Variants in DCLK2 observed in about 807,000 individuals in gnomAD.
DCLK2 encodes doublecortin like kinase 2.
In DCLK2, 31 loss-of-function variants were observed where a neutral mutation model predicts 78.4. The observed-to-expected ratio is 0.40, with a 90% CI of 0.30 to 0.53. DCLK2 has a LOEUF of 0.53. DCLK2 is among the 20% of genes least tolerant of loss of function. DCLK2 has a pLI of 0.61. For synonymous variants in DCLK2, 407 were observed against 374.9 expected, an observed-to-expected ratio of 1.09 and a Z score of -0.99; for missense variants, 872 against 973.7, an observed-to-expected ratio of 0.90 and a Z score of 1.39.
chr4:150,207,531 CAA>C (rs1739929546), intron 5 of DCLK2, among the ~76,000 whole-genome samples: 1 of 152,150 alleles, frequency 6.6e-6, no homozygotes, highest in South Asian at 2.1e-4. Context: ...CTCCTCTCCA[CAA>C]AATGTACTCG....
At chr4:150,120,155 A>G (rs964344563) in intron 2 of DCLK2, among the ~76,000 whole-genome samples, 1 of 152,218 alleles carries the variant, frequency 6.6e-6, no homozygotes, top group Non-Finnish European at 1.5e-5. Flanking sequence ...CAAAGTCAGT[A>G]TAGTATTTTA....
intron 2 of DCLK2, among the ~76,000 whole-genome samples, chr4:150,113,771 T>C (rs1731870363): frequency 6.6e-6 from 1 of 152,062 alleles, no homozygotes; most frequent in African/African-American, 2.4e-5. Flanking sequence ...TGATCTTTAT[T>C]TTCTATTTTC....
rs552845452 is a variant in DCLK2 at position 150,244,508 on chromosome 4, G to C, written c.1779-3095G>C. On this transcript the variant is annotated intron_variant, in intron 12 of 15. Coordinates refer to ENST00000296550, the MANE Select transcript of DCLK2 (RefSeq NM_001040260.4). ...AATTATAATGCTTTGTCATTGAAAA[G>C]AGAGCGTGTGCACAAACTCTTTTGT... Among the ~76,000 whole-genome samples the C allele has an allele frequency of 3.7e-4, 56 of 152,324 alleles. No individual in the cohort carries two copies. In the Middle Eastern group the frequency reaches 0.017, roughly 46 times the overall value.
At position 150,249,690 on chromosome 4, in the gene DCLK2, T is replaced by TG. The variant is rs1304868618; in HGVS notation, c.2073+8dup. On this transcript the variant is annotated splice_region_variant and intron_variant, in intron 15 of 15. Coordinates refer to ENST00000296550, the MANE Select transcript of DCLK2 (RefSeq NM_001040260.4). ...CCGGGGTCTCCGTCATCATGGTGAG[T>TG]GGAAGGCGGCAGGTCTGGCCTGACT... is the stretch of plus-strand genomic sequence containing the variant. 1 of 1,611,018 alleles carries TG rather than the reference T, an allele frequency of 6.2e-7. No individual in the cohort carries two copies. Among genetic ancestry groups the TG allele is most frequent in the Non-Finnish European group, 8.5e-7 (1 of 1,177,950 alleles).
At chr4:150,128,038 A>G (rs1277172005) in intron 2 of DCLK2, among the ~76,000 whole-genome samples, 3 of 151,662 alleles carry the variant, frequency 2.0e-5, no homozygotes, top group African/African-American at 7.3e-5. Flanking sequence ...GCGTGATTCC[A>G]TGATTCTCAA....
At chr4:150,146,439 A>G (rs1346261036) in intron 2 of DCLK2, among the ~76,000 whole-genome samples, 1 of 152,198 alleles carries the variant, frequency 6.6e-6, no homozygotes, top group Non-Finnish European at 1.5e-5. Context: ...TACCTGAACA[A>G]TTGTGCTAAT....
chr4:150,092,244 A>G (rs1166917852), intron 1 of DCLK2, among the ~76,000 whole-genome samples: 2 of 152,128 alleles, frequency 1.3e-5, no homozygotes, highest in East Asian at 1.9e-4. Flanking sequence ...TATCTTAGCT[A>G]TTGTGAATTA....
chr4:150,086,567 C>A (rs62339894), intron 1 of DCLK2, among the ~76,000 whole-genome samples: 5,709 of 150,452 alleles, frequency 0.038, 152 homozygotes, highest in Non-Finnish European at 0.063. Context: ...AGTGCAGTGG[C>A]GCAATCTCGG....
intron 2 of DCLK2, among the ~76,000 whole-genome samples, chr4:150,154,119 G>A (rs1027520901): frequency 1.3e-5 from 2 of 152,212 alleles, no homozygotes; most frequent in Non-Finnish European, 2.9e-5. Context: ...TATCAGAAAA[G>A]TGGGGACATG....
chr4:150,104,423 A>AAAAAAAAAAAAAC (rs1553954755), intron 2 of DCLK2, among the ~76,000 whole-genome samples: 1 of 141,140 alleles, frequency 7.1e-6, no homozygotes. Context: ...AAAAAAAAAA[A>AAAAAAAAAAAAAC]TCGAGCATCT....
intron 2 of DCLK2, among the ~76,000 whole-genome samples, chr4:150,109,723 T>TG (rs1411978088): frequency 1.3e-5 from 2 of 152,188 alleles, no homozygotes; most frequent in African/African-American, 4.8e-5. Flanking sequence ...TGGGTAGCCC[T>TG]GGTCTGCCTC....
chr4:150,255,428 A>T (rs1724075389), intron 15 of DCLK2, among the ~76,000 whole-genome samples: 5 of 152,244 alleles, frequency 3.3e-5, no homozygotes, highest in Admixed American at 3.3e-4. Context: ...GAGCAGATTT[A>T]AAAACTTTCA....
intron 1 of DCLK2, among the ~76,000 whole-genome samples, chr4:150,082,647 C>T (rs1173548087): frequency 6.6e-6 from 1 of 152,162 alleles, no homozygotes; most frequent in East Asian, 1.9e-4. Flanking sequence ...AGTTGGGGGA[C>T]CTCTTCCGGC....
At chr4:150,248,913 A>G (rs936329432) in intron 14 of DCLK2, among the ~76,000 whole-genome samples, 1 of 151,698 alleles carries the variant, frequency 6.6e-6, no homozygotes, top group Non-Finnish European at 1.5e-5. Context: ...ACATGATCCA[A>G]TAAATGGGGA....
chr4:150,211,445 A>G (rs1045251695), intron 5 of DCLK2, among the ~76,000 whole-genome samples: 4 of 152,136 alleles, frequency 2.6e-5, no homozygotes, highest in African/African-American at 4.8e-5. Flanking sequence ...GGGGAGAGAC[A>G]TCACAAGGGC....
At chr4:150,180,562 A>G (rs1426426889) in intron 2 of DCLK2, among the ~76,000 whole-genome samples, 1 of 151,444 alleles carries the variant, frequency 6.6e-6, no homozygotes, top group African/African-American at 2.5e-5. Flanking sequence ...ATAAAAGCTC[A>G]TGATCATTGG....
At chr4:150,112,230 T>G (rs533839764) in intron 2 of DCLK2, among the ~76,000 whole-genome samples, 13 of 152,322 alleles carry the variant, frequency 8.5e-5, no homozygotes, top group African/African-American at 3.1e-4. Flanking sequence ...GCAGCTATTG[T>G]ATAAAGGATT....
chr4:150,232,800 A>G lies in DCLK2; in HGVS notation c.1538A>G (p.His513Arg). 6.2e-7 allele frequency: 1 copy of G among 1,613,894 alleles called. No individual in the cohort carries two copies. Among genetic ancestry groups the G allele is most frequent in the Non-Finnish European group, 8.5e-7 (1 of 1,179,824 alleles). Residue 513 changes from histidine (H) to arginine (R), a missense_variant, in exon 10 of 16, where the codon CAC (histidine) becomes CGC (arginine). Transcript: ENST00000296550. ...LRYLHGLSIV[H>R]RDIKPENLLV... ...TATCTCCATGGCCTCAGCATCGTGC[A>G]CAGAGACATCAAACCAGAGAATCTC...
At position 150,133,789 on chromosome 4, in the gene DCLK2, G is replaced by A. The variant is rs75467207; in HGVS notation, c.756+30977G>A. Among the ~76,000 whole-genome samples the A allele has an allele frequency of 7.4e-3, 1,122 of 152,312 alleles. 15 individuals carry two copies. Among genetic ancestry groups the A allele is most frequent in the African/African-American group, 0.025 (1,050 of 41,578 alleles). On this transcript the variant is annotated intron_variant, in intron 2 of 15. Coordinates refer to ENST00000296550, the MANE Select transcript of DCLK2 (RefSeq NM_001040260.4). ...GTAAACATAAAATGTCCATCTAATAGTAGGTTGCATTAGATTCAGTTCATG... is the reference window on the plus strand; with the variant it reads ...GTAAACATAAAATGTCCATCTAATAATAGGTTGCATTAGATTCAGTTCATG...
Sources: allele counts gnomAD v4.1 joint callset (sites outside exome capture counted in the v4.1 genomes callset), GRCh38; gene constraint gnomAD v4.1.1; transcripts MANE v1.5; gene names NCBI Gene and HGNC (gene_info 2026-07-23, HGNC 2026-07-21).